The following PKD1L3 variants were observed in gnomAD, a reference collection of about 807,000 sequenced individuals.
The protein encoded by PKD1L3 is polycystin-1-like protein 3.
Under a neutral mutation model 184.1 loss-of-function variants are expected in PKD1L3, and 239 were observed. The ratio of observed to expected loss-of-function variants is 1.30; its 90% CI spans 1.17 to 1.45. PKD1L3 has a LOEUF of 1.45. Ranked by LOEUF, PKD1L3 falls within the 40% of genes most tolerant of loss-of-function variation. PKD1L3 has a pLI of 0.00. For missense variants in PKD1L3, 2,660 were observed against 2,067.2 expected (o/e 1.29, Z -5.56); for synonymous variants, 996 against 778.8 (o/e 1.28, Z -4.64).
At chr16:71,933,313 C>T (rs558268435) in intron 28 of PKD1L3, 107 bp downstream of exon 28, 1 of 812,574 alleles carries the variant, frequency 1.2e-6, no homozygotes, top group African/African-American at 1.7e-5. Context: ...AATTTTCCCC[C>T]TTTTCCAGTG....
chr16:71,997,412 C>G (rs933993457), intron 2 of PKD1L3, among the ~76,000 whole-genome samples: 1 of 58,642 alleles, frequency 1.7e-5, no homozygotes, highest in African/African-American at 9.4e-5. Context: ...CATAACAAGA[C>G]CCCCCCCCCC....
intron 4 of PKD1L3, among the ~76,000 whole-genome samples, chr16:71,987,920 G>A (rs1341936781): frequency 2.0e-5 from 3 of 152,168 alleles, no homozygotes; most frequent in African/African-American, 4.8e-5. Context: ...CTCTGAGGAA[G>A]ACCAAGGAAG....
chr16:71,940,288 GGTTTACTGGAAAAGGGGATTAAGGGAAA>G (rs2038317356), intron 24 of PKD1L3, among the ~76,000 whole-genome samples: 2 of 152,112 alleles, frequency 1.3e-5, no homozygotes, highest in South Asian at 4.1e-4. Flanking sequence ...TGAGAGTAAT[GGTTTACTGGAAAAGGGGATTAAGGGAAA>G]GTTTACGTGC....
intron 16 of PKD1L3, among the ~76,000 whole-genome samples, chr16:71,955,372 G>A (rs1343322796): frequency 1.3e-5 from 2 of 151,996 alleles, no homozygotes; most frequent in Non-Finnish European, 2.9e-5. Context: ...AGGAGGCAGA[G>A]GTTGCAGTGA....
chr16:71,965,895 T>C (rs1330905995), intron 15 of PKD1L3, among the ~76,000 whole-genome samples: 2 of 152,160 alleles, frequency 1.3e-5, no homozygotes, highest in Non-Finnish European at 1.5e-5. Flanking sequence ...GATGGATGGC[T>C]AGTGCTGTCA....
At position 71,942,629 on chromosome 16, in the gene PKD1L3, T is replaced by A; in HGVS notation, c.4255A>T (p.Ile1419Phe). ...YICSPRPMVL[I>F]PTDELHERLT... is the part of the protein sequence containing the mutation. ...CTTTCGTGAAGCTCATCAGTGGGAATCAGCACCATGGGCCTGGGTGAACAG... is the reference window on the plus strand; with the variant it reads ...CTTTCGTGAAGCTCATCAGTGGGAAACAGCACCATGGGCCTGGGTGAACAG... The change falls in exon 24 of 30, where the codon ATT becomes TTT. Residue 1419 changes from isoleucine (I) to phenylalanine (F), a missense_variant. Transcript: ENST00000620267. 1 of 1,551,692 alleles carries A rather than the reference T, an allele frequency of 6.4e-7. No individual in the cohort carries two copies. Among genetic ancestry groups the A allele is most frequent in the Non-Finnish European group, 8.7e-7 (1 of 1,146,988 alleles).
chr16:71,976,199 C>T lies in PKD1L3; in HGVS notation c.1759+1037G>A, dbSNP rs113103271. Among the ~76,000 whole-genome samples, 72 of 150,126 alleles carry T rather than the reference C, an allele frequency of 4.8e-4. 1 individual carries two copies. Among genetic ancestry groups the T allele is most frequent in the African/African-American group, 1.5e-3 (61 of 40,834 alleles). ...CTGACCTAAGTTGATCCACCTGCCT[C>T]TGCCTCCCAAAGTGCTAGGATTACA... On this transcript the variant is annotated intron_variant, in intron 11 of 29. Transcript: ENST00000620267.
At chr16:71,932,247 A>G (rs2038000029) in intron 28 of PKD1L3, among the ~76,000 whole-genome samples, 3 of 152,202 alleles carry the variant, frequency 2.0e-5, no homozygotes, top group Admixed American at 1.3e-4. Context: ...CACTGCTTAA[A>G]TGGCAGGTTT....
chr16:71,993,769 G>A (rs2040682182), intron 2 of PKD1L3, among the ~76,000 whole-genome samples: 1 of 135,142 alleles, frequency 7.4e-6, no homozygotes. Context: ...GAGTTCAGAA[G>A]GTGGATGATA....
Position 71,954,268 on chromosome 16 carries a change from G to A in PKD1L3, c.2646C>T (p.Phe882=). 5 of 1,546,026 alleles carry A rather than the reference G, an allele frequency of 3.2e-6. No homozygotes were observed. The highest frequency in any genetic ancestry group is 4.4e-6 in the Non-Finnish European group (5 of 1,145,020). The stretch of plus-strand genomic sequence containing the variant: ...TTGAAAGCCACAGATAATCCTGGGT[G>A]AACTTTTCCACAATCATGGAGGAAA... ...HLFSSMIVEK[F]TQDYLWLSIA... Residue 882 remains phenylalanine, a synonymous_variant, in exon 17 of 30, where the codon TTC becomes TTT. Coordinates refer to ENST00000620267, the MANE Select transcript of PKD1L3 (RefSeq NM_181536.2).
At chr16:71,990,681 C>A (rs1393554351) in intron 3 of PKD1L3, among the ~76,000 whole-genome samples, 1 of 152,050 alleles carries the variant, frequency 6.6e-6, no homozygotes, top group Non-Finnish European at 1.5e-5. Context: ...TTGCAGTGAG[C>A]CGAGATTGTG....
Position 71,986,102 on chromosome 16 carries a change from G to A in PKD1L3, c.834+119C>T, listed in dbSNP as rs945126265. Reference sequence around the variant, plus strand: ...ACTTGTTTAGTTTTTGTTTTGGATTGGCATATACGCTGGTCTGTCAGGCAT... The same window carrying A: ...ACTTGTTTAGTTTTTGTTTTGGATTAGCATATACGCTGGTCTGTCAGGCAT... On this transcript the variant is annotated intron_variant, in intron 5 of 29. Transcript: ENST00000620267. 3.1e-6 allele frequency: 4 copies of A among 1,306,568 alleles called. No individual in the cohort carries two copies. The African/African-American group carries it at 4.5e-5, about 15-fold the overall frequency. 80.9% of individuals were successfully genotyped at this position (1,306,568 alleles called of 1,614,324 possible).
chr16:71,942,955 A>C lies in PKD1L3; in HGVS notation c.3929T>G (p.Leu1310Arg). ...AAATGTCTTCCAGATAGCTTGGTGG[A>C]GGTAAAATCTATTGGAGTTCTTTGC... is the stretch of plus-strand genomic sequence containing the variant. The part of the protein sequence containing the change: ...YSAKNSNRFY[L>R]HQAIWKTFSH... Residue 1310 changes from leucine (L) to arginine (R), a missense_variant, in exon 24 of 30, where the codon CTC becomes CGC. Transcript: ENST00000620267. The C allele has an allele frequency of 6.4e-7, 1 of 1,551,590 alleles. No individual in the cohort carries two copies. Among genetic ancestry groups the C allele is most frequent in the African/African-American group, 1.4e-5 (1 of 73,142 alleles).
chr16:71,934,862 C>G (rs1194738065), intron 26 of PKD1L3, among the ~76,000 whole-genome samples: 1 of 152,222 alleles, frequency 6.6e-6, no homozygotes, highest in Admixed American at 6.5e-5. Context: ...CTTGGCAACA[C>G]TTGGCATGGG....
intron 2 of PKD1L3, among the ~76,000 whole-genome samples, chr16:71,997,485 A>G (rs1444094172): frequency 1.3e-5 from 2 of 151,754 alleles, no homozygotes; most frequent in Admixed American, 6.6e-5. Context: ...GCAGTGGCTC[A>G]TGCCTGTAAT....
chr16:71,937,843 T>C (rs572461797), intron 24 of PKD1L3, among the ~76,000 whole-genome samples: 18 of 152,314 alleles, frequency 1.2e-4, no homozygotes, highest in African/African-American at 3.9e-4. Context: ...TGGAAGGACA[T>C]TGAAAATGTT....
intron 26 of PKD1L3, among the ~76,000 whole-genome samples, chr16:71,934,827 T>C (rs1002122047): frequency 6.6e-6 from 1 of 152,168 alleles, no homozygotes; most frequent in African/African-American, 2.4e-5. Flanking sequence ...TGTTGGCCAC[T>C]GATGCAAAGG....
intron 16 of PKD1L3, among the ~76,000 whole-genome samples, chr16:71,959,223 C>A (rs1254621315): frequency 6.6e-6 from 1 of 151,986 alleles, no homozygotes; most frequent in Non-Finnish European, 1.5e-5. Flanking sequence ...ACCAGCCCGA[C>A]CAACATGGAG....
At chr16:71,936,519 C>CTTTTTTTT (rs397785025) in intron 25 of PKD1L3, among the ~76,000 whole-genome samples, 2 of 123,542 alleles carry the variant, frequency 1.6e-5, no homozygotes, top group African/African-American at 3.1e-5. Flanking sequence ...TTTTTTTTTT[C>CTTTTTTTT]TTTTTTTTTT....
Sources: allele counts gnomAD v4.1 joint callset (sites outside exome capture counted in the v4.1 genomes callset), GRCh38; gene constraint gnomAD v4.1.1; transcripts MANE v1.5; gene names NCBI Gene and HGNC (gene_info 2026-07-23, HGNC 2026-07-21).